Variants in CRADD observed in about 807,000 individuals in gnomAD.
The protein encoded by CRADD is death domain-containing protein CRADD.
Under a neutral mutation model 15.5 loss-of-function variants are expected in CRADD, and 9 were observed. That is an observed-to-expected ratio of 0.58 (90% CI 0.35 to 1.01). The LOEUF is 1.01. Among genes scored for constraint, CRADD ranks in the 50% least tolerant of loss-of-function variants. CRADD has a pLI of 0.02. For missense variants in CRADD, 227 were observed against 250.3 expected, an observed-to-expected ratio of 0.91 and a Z score of 0.63; for synonymous variants, 118 against 107.6, an observed-to-expected ratio of 1.10 and a Z score of -0.60.
rs76365290 is a variant in CRADD, at chr12:93,859,317, A to G, written c.299-34733A>G. The G allele has an allele frequency of 4.2e-3, 1,912 of 455,918 alleles. 39 individuals carry two copies. Among genetic ancestry groups the G allele is most frequent in the African/African-American group, 0.034 (1,682 of 50,144 alleles). 28.2% of individuals were successfully genotyped at this position (455,918 alleles called of 1,614,324 possible). A position where few individuals can be genotyped will look rare whatever the true frequency, so the allele number is the denominator to read the frequency against. On this transcript the variant is annotated intron_variant, in intron 2 of 2. Transcript: ENST00000548483. ...TTCTGGTTAACTTGTCTTTTGTTAT[A>G]GGGTGTTGGCCATGATCCTTATGAT...
chr12:93,808,154 A>G (rs1957566623), intron 2 of CRADD, among the ~76,000 whole-genome samples: 1 of 151,746 alleles, frequency 6.6e-6, no homozygotes, highest in Non-Finnish European at 1.5e-5. Flanking sequence ...GTGTGAAGGG[A>G]GAGCTCAGGC....
intron 2 of CRADD, among the ~76,000 whole-genome samples, chr12:93,711,055 C>CCCCCTTTTTTTTTT: frequency 6.9e-5 from 3 of 43,508 alleles, no homozygotes; most frequent in Non-Finnish European, 8.8e-5. Flanking sequence ...CCACCCCCGC[C>CCCCCTTTTTTTTTT]TTTTTTTTTT....
intron 2 of CRADD, among the ~76,000 whole-genome samples, chr12:93,876,090 T>C (rs996192575): frequency 6.6e-6 from 1 of 152,208 alleles, no homozygotes; most frequent in East Asian, 1.9e-4. Context: ...TATTCTAGGG[T>C]AAAAGTGTAT....
chr12:93,716,541 C>T (rs1478224375), intron 2 of CRADD, among the ~76,000 whole-genome samples: 1 of 152,224 alleles, frequency 6.6e-6, no homozygotes, highest in Non-Finnish European at 1.5e-5. Flanking sequence ...TTCATCCCTC[C>T]TTCCACACAA....
chr12:93,767,208 A>T (rs1282813434), intron 2 of CRADD, among the ~76,000 whole-genome samples: 2 of 152,242 alleles, frequency 1.3e-5, no homozygotes, highest in African/African-American at 4.8e-5. Flanking sequence ...AAATTTATTT[A>T]TGATTTGTTC....
intron 2 of CRADD, among the ~76,000 whole-genome samples, chr12:93,747,322 G>A (rs1956768140): frequency 6.6e-6 from 1 of 152,196 alleles, no homozygotes; most frequent in Non-Finnish European, 1.5e-5. Context: ...ACTGGTGATA[G>A]TATTGGGAGA....
intron 2 of CRADD, among the ~76,000 whole-genome samples, chr12:93,866,308 TTC>T (rs1958366834): frequency 6.6e-6 from 1 of 152,132 alleles, no homozygotes; most frequent in South Asian, 2.1e-4. Context: ...TCCTTACCCT[TTC>T]TCTCTTATTT....
intron 2 of CRADD, among the ~76,000 whole-genome samples, chr12:93,808,358 T>G (rs2137004784): frequency 6.6e-6 from 1 of 152,240 alleles, no homozygotes; most frequent in South Asian, 2.1e-4. Flanking sequence ...GGAGAGCCTG[T>G]GCAGGGGAAC....
intron 2 of CRADD, among the ~76,000 whole-genome samples, chr12:93,881,729 G>A (rs1411518676): frequency 6.6e-6 from 1 of 152,180 alleles, no homozygotes; most frequent in Non-Finnish European, 1.5e-5. Context: ...CTAATCTTCA[G>A]AAACTAGATA....
At chr12:93,711,055 C>CCCCCCCCCCT in intron 2 of CRADD, among the ~76,000 whole-genome samples, 3 of 43,504 alleles carry the variant, frequency 6.9e-5, no homozygotes, top group Non-Finnish European at 8.8e-5. Flanking sequence ...CCACCCCCGC[C>CCCCCCCCCCT]TTTTTTTTTT....
At position 93,882,123 on chromosome 12, in the gene CRADD, CA is replaced by C. The variant is rs1223129932; in HGVS notation, c.299-11919del. ...TGGGTGACAGAGTAAGACTCTGTTT[CA>C]AAAAAAATTAAAAAAGGCCAGGCAC... is the stretch of plus-strand genomic sequence containing the variant. On this transcript the variant is annotated intron_variant, in intron 2 of 2. Coordinates refer to the CRADD transcript ENST00000548483. Among the ~76,000 whole-genome samples, 5 of 148,520 alleles carry C rather than the reference CA, an allele frequency of 3.4e-5. No individual in the cohort carries two copies. The South Asian group carries it at 1.1e-3, about 32-fold the overall frequency.
rs368695713 is a variant in CRADD, at chr12:93,716,458, C to T, written c.298+37386C>T. Reference sequence around the variant, plus strand: ...CCTATGGGTTGGGACAAATATATAACGACATGTATCCACATTTATGGAATC... The same window carrying T: ...CCTATGGGTTGGGACAAATATATAATGACATGTATCCACATTTATGGAATC... On this transcript the variant is annotated intron_variant, in intron 2 of 2. Coordinates refer to ENST00000332896, the MANE Select transcript of CRADD (RefSeq NM_003805.5). Among the ~76,000 whole-genome samples, 26 of 152,252 alleles carry T rather than the reference C, an allele frequency of 1.7e-4. 1 individual carries two copies. Among genetic ancestry groups the T allele is most frequent in the Admixed American group, 5.2e-4 (8 of 15,302 alleles).
At chr12:93,795,962 A>T (rs1957410986) in intron 2 of CRADD, among the ~76,000 whole-genome samples, 1 of 152,210 alleles carries the variant, frequency 6.6e-6, no homozygotes, top group African/African-American at 2.4e-5. Context: ...GGAAATTCCT[A>T]ACCAAGGTGA....
At chr12:93,887,436 T>C (rs1958545603) in intron 2 of CRADD, among the ~76,000 whole-genome samples, 1 of 152,220 alleles carries the variant, frequency 6.6e-6, no homozygotes, top group South Asian at 2.1e-4. Context: ...TGAAGCCATG[T>C]CCGTCTGGCA....
At chr12:93,842,506 A>G (rs929814133) in intron 2 of CRADD, among the ~76,000 whole-genome samples, 1 of 152,096 alleles carries the variant, frequency 6.6e-6, no homozygotes, top group Non-Finnish European at 1.5e-5. Flanking sequence ...CTTTTGTGCT[A>G]GGCAAAGGGC....
rs1956800441 is a variant in CRADD, at chr12:93,748,953, T to C, written c.298+69881T>C. ...GAAGCCACTAGAAATTGCACAGCTA[T>C]TCTAGGATTGACATGGGCCCTGGCT... On this transcript the variant is annotated intron_variant, in intron 2 of 2. Coordinates refer to ENST00000332896, the MANE Select transcript of CRADD (RefSeq NM_003805.5). 2.0e-5 allele frequency among the ~76,000 whole-genome samples: 3 copies of C among 152,196 alleles called. No individual in the cohort carries two copies. The South Asian group carries it at 6.2e-4, about 32-fold the overall frequency.
intron 2 of CRADD, among the ~76,000 whole-genome samples, chr12:93,888,262 A>C (rs571813788): frequency 2.6e-5 from 4 of 152,242 alleles, no homozygotes; most frequent in Admixed American, 2.6e-4. Context: ...CGTCTCTACT[A>C]AAAATACAAA....
At chr12:93,826,195 CA>C (rs1323455018) in intron 2 of CRADD, among the ~76,000 whole-genome samples, 4 of 152,148 alleles carry the variant, frequency 2.6e-5, no homozygotes, top group Non-Finnish European at 4.4e-5. Flanking sequence ...AGAGAGCAGC[CA>C]ATTTTGTGGA....
intron 2 of CRADD, among the ~76,000 whole-genome samples, chr12:93,727,843 A>G (rs1956396214): frequency 6.6e-6 from 1 of 151,578 alleles, no homozygotes; most frequent in Non-Finnish European, 1.5e-5. Context: ...GACTTAATGC[A>G]GTTTCTGGAT....
Sources: gnomAD v4.1 joint callset for allele counts (sites outside exome capture counted in the v4.1 genomes callset) on GRCh38, gnomAD v4.1.1 for gene constraint, MANE v1.5 for transcripts, NCBI Gene and HGNC (gene_info 2026-07-23, HGNC 2026-07-21) for gene names.